EIF3H: variants seen among roughly 807,000 people sequenced by gnomAD.
EIF3H encodes the protein eukaryotic translation initiation factor 3 subunit H.
A neutral mutation model predicts 44.2 loss-of-function variants in EIF3H; 26 were observed. The observed-to-expected ratio is 0.59, with a 90% confidence interval of 0.43 to 0.82. The LOEUF (loss-of-function observed/expected upper bound fraction) is 0.82, where lower values mean the gene tolerates loss of function less well. Ranked by LOEUF, EIF3H falls within the 40% of genes least tolerant of loss-of-function variation. The pLI is 0.00. For synonymous variants in EIF3H, 166 were observed against 151.9 expected, an observed-to-expected ratio of 1.09 and a Z score of -0.68; for missense variants, 359 against 432.8, an observed-to-expected ratio of 0.83 and a Z score of 1.51.
intron 1 of EIF3H, among the ~76,000 whole-genome samples, chr8:116,745,279 T>C (rs1815212127): frequency 6.6e-6 from 1 of 152,096 alleles, no homozygotes; most frequent in Non-Finnish European, 1.5e-5. Flanking sequence ...TTAAAATCAA[T>C]ATCTACTACT....
At chr8:116,648,992 C>A in intron 5 of EIF3H, 66 bp from the exon 6 acceptor site, 1 of 1,444,008 alleles carries the variant, frequency 6.9e-7, no homozygotes, top group Non-Finnish European at 9.4e-7. Flanking sequence ...CTGCTCTAAA[C>A]AGTTTTAAGA....
chr8:116,714,385 T>C (rs942494079), intron 2 of EIF3H, among the ~76,000 whole-genome samples: 1 of 152,098 alleles, frequency 6.6e-6, no homozygotes, highest in African/African-American at 2.4e-5. Flanking sequence ...TGGACTTATA[T>C]CAATTCTGTT....
At chr8:116,716,534 T>A (rs1814661418) in intron 2 of EIF3H, among the ~76,000 whole-genome samples, 1 of 152,080 alleles carries the variant, frequency 6.6e-6, no homozygotes, top group African/African-American at 2.4e-5. Flanking sequence ...CAAAAAATTA[T>A]CAATTTATGA....
At chr8:116,668,472 T>C (rs1273365255) in intron 2 of EIF3H, among the ~76,000 whole-genome samples, 2 of 152,190 alleles carry the variant, frequency 1.3e-5, no homozygotes, top group South Asian at 2.1e-4. Flanking sequence ...TACATACATA[T>C]ACATACATAC....
At chr8:116,657,112 CA>C in intron 4 of EIF3H, 102 bp downstream of exon 4, 4 of 996,744 alleles carry the variant, frequency 4.0e-6, no homozygotes, top group South Asian at 4.0e-5. Flanking sequence ...GTCCACATGG[CA>C]AAAGCATTAC....
chr8:116,764,172 TGA>T (rs1815545204), intron 1 of EIF3H, among the ~76,000 whole-genome samples: 1 of 152,184 alleles, frequency 6.6e-6, no homozygotes, highest in Admixed American at 6.5e-5. Context: ...TGGACTGACC[TGA>T]GAAAAAAGCT....
upstream of EIF3H, chr8:116,755,828 G>C (rs752653571): frequency 9.9e-6 from 16 of 1,609,240 alleles, no homozygotes; most frequent in South Asian, 1.6e-4. Context: ...AAAGAGAAAC[G>C]TGAGTTACCG....
At chr8:116,721,851 CA>C (rs1464003412) in intron 2 of EIF3H, among the ~76,000 whole-genome samples, 1 of 152,252 alleles carries the variant, frequency 6.6e-6, no homozygotes, top group African/African-American at 2.4e-5. Flanking sequence ...GTACCCCCAT[CA>C]TATCTAGGAA....
rs775452911 is a variant in EIF3H, at chr8:116,755,710, CGCCTTT to C, written c.82_87del (p.Lys28_Gly29del). ...TGCTTCACGGCTGAATCTCCCGAGC[CGCCTTT>C]GCCTTTGCCTTTCCCTGCTGCGCCG... is the stretch of plus-strand genomic sequence containing the variant. On this transcript the variant is annotated inframe_deletion, in exon 1 of 8. Transcript: ENST00000521861. The C allele has an allele frequency of 1.2e-6, 2 of 1,614,190 alleles. No individual in the cohort carries two copies. Among genetic ancestry groups the C allele is most frequent in the Non-Finnish European group, 8.5e-7 (1 of 1,180,022 alleles).
chr8:116,708,314 AT>A (rs982385971), intron 2 of EIF3H, among the ~76,000 whole-genome samples: 1 of 151,998 alleles, frequency 6.6e-6, no homozygotes, highest in African/African-American at 2.4e-5. Flanking sequence ...TATTATTATT[AT>A]TTATTATTAC....
chr8:116,707,716 C>G (rs1193846270), intron 2 of EIF3H, among the ~76,000 whole-genome samples: 3 of 152,124 alleles, frequency 2.0e-5, no homozygotes, highest in Admixed American at 6.5e-5. Context: ...GTTTTCCCCA[C>G]CTTCAGCCAC....
chr8:116,718,641 T>C (rs1206288232), intron 2 of EIF3H, among the ~76,000 whole-genome samples: 1 of 149,706 alleles, frequency 6.7e-6, no homozygotes, highest in Non-Finnish European at 1.5e-5. Context: ...CCGAACATCA[T>C]ATGTTCTCAT....
intron 2 of EIF3H, among the ~76,000 whole-genome samples, chr8:116,669,802 C>G (rs531683206): frequency 1.3e-5 from 2 of 152,252 alleles, no homozygotes; most frequent in African/African-American, 4.8e-5. Context: ...TTAGGAAGAG[C>G]AAACAATTTC....
chr8:116,712,814 G>C (rs191047241), intron 2 of EIF3H, among the ~76,000 whole-genome samples: 2 of 152,080 alleles, frequency 1.3e-5, no homozygotes, highest in East Asian at 3.9e-4. Context: ...GAGCAGTTTG[G>C]AAAACTCAGT....
upstream of EIF3H, among the ~76,000 whole-genome samples, chr8:116,756,567 C>CT (rs1186016956): frequency 6.6e-6 from 1 of 152,114 alleles, no homozygotes; most frequent in African/African-American, 2.4e-5. Flanking sequence ...TTCCAAATGA[C>CT]TTTTTTCCTA....
At chr8:116,728,079 T>C (rs887816648) in intron 1 of EIF3H, among the ~76,000 whole-genome samples, 1 of 152,204 alleles carries the variant, frequency 6.6e-6, no homozygotes, top group South Asian at 2.1e-4. Context: ...TCAGTATATA[T>C]GTTAAGAATT....
At chr8:116,765,716 A>G (rs1815564760) in exon 1 of EIF3H, 2 of 152,262 alleles carry the variant, frequency 1.3e-5, no homozygotes, top group African/African-American at 4.8e-5. Context: ...ACCTACAACC[A>G]GTTTGACAGT....
chr8:116,686,061 T>C (rs933100947), intron 2 of EIF3H, among the ~76,000 whole-genome samples: 5 of 152,156 alleles, frequency 3.3e-5, no homozygotes, highest in African/African-American at 4.8e-5. Context: ...TTTAATACAA[T>C]AAACTTTACT....
chr8:116,721,913 C>T (rs561452629), intron 2 of EIF3H, among the ~76,000 whole-genome samples: 2 of 152,294 alleles, frequency 1.3e-5, no homozygotes, highest in East Asian at 3.9e-4. Context: ...AGGAACTTGC[C>T]TTGTTTCAGA....
Sources: gnomAD v4.1 joint callset for allele counts (sites outside exome capture counted in the v4.1 genomes callset) on GRCh38, gnomAD v4.1.1 for gene constraint, MANE v1.5 for transcripts, NCBI Gene and HGNC (gene_info 2026-07-23, HGNC 2026-07-21) for gene names.